Variants in DGKQ observed in about 807,000 individuals in gnomAD.
DGKQ encodes the protein DAG kinase theta.
In DGKQ, 97 loss-of-function variants were observed where a neutral mutation model predicts 104.2. The ratio of observed to expected loss-of-function variants is 0.93; its 90% CI spans 0.79 to 1.10. The LOEUF (loss-of-function observed/expected upper bound fraction) is 1.10, where lower values mean the gene tolerates loss of function less well. DGKQ is among the 50% of genes least tolerant of loss of function. The probability of loss-of-function intolerance (pLI) is 0.00; values close to 1 mark genes in which losing one functional copy is unlikely to be tolerated. For missense variants in DGKQ, 1,465 were observed against 1,352.1 expected (o/e 1.08, Z -1.31); for synonymous variants, 736 against 595.2 (o/e 1.24, Z -3.44).
In DGKQ at chr4:961,680, G is replaced by A. The variant is rs201807167; in HGVS notation, c.2462+8C>T. 45 of 1,612,334 alleles carry A rather than the reference G, an allele frequency of 2.8e-5. No homozygotes were observed. The highest frequency in any genetic ancestry group is 1.9e-4 in the African/African-American group (14 of 75,036). The stretch of plus-strand genomic sequence containing the variant: ...GCAGAGCCTCTGGGGAGCCCCGCCC[G>A]CGAGCACCTGGGGATGTTGATGAAG... On this transcript the variant is annotated splice_region_variant and intron_variant, in intron 20 of 22. Coordinates refer to ENST00000273814, the MANE Select transcript of DGKQ (RefSeq NM_001347.4).
At chr4:968,678 C>A in intron 3 of DGKQ, 114 bp from the exon 4 acceptor site, 1 of 1,356,392 alleles carries the variant, frequency 7.4e-7, no homozygotes. Flanking sequence ...TTTAAGTGTC[C>A]TGTGGCCTGC....
At chr4:966,719 G>A (rs1294744451) in intron 11 of DGKQ, 29 bp downstream of exon 11, 14 of 1,595,254 alleles carry the variant, frequency 8.8e-6, no homozygotes, top group Middle Eastern at 1.7e-4. Context: ...TGCAGGGACC[G>A]CCACGCCCAG....
At position 962,445 on chromosome 4, in the gene DGKQ, T is replaced by C. The variant is rs1440742891; in HGVS notation, c.2204A>G (p.Glu735Gly). ...CGGGCTGCCCTGTACCTTGGGGGGC[T>C]CTGCGTCTGCCGTGTCGTTCTCTGC... ...GSAENDTADA[E>G]PPKIVQMSNY... is the part of the protein sequence containing the mutation. The change falls in exon 18 of 23, where the codon GAG becomes GGG. Residue 735 changes from glutamate to glycine, a missense_variant. Transcript: ENST00000273814. 6.3e-7 allele frequency: 1 copy of C among 1,578,352 alleles called. No homozygotes were observed. Among genetic ancestry groups the C allele is most frequent in the South Asian group, 1.1e-5 (1 of 87,636 alleles).
At chr4:965,785 G>A (rs1278747131) in intron 13 of DGKQ, 143 bp downstream of exon 13, 2 of 1,006,740 alleles carry the variant, frequency 2.0e-6, no homozygotes, top group Non-Finnish European at 2.8e-6. Flanking sequence ...GAGCCTCTTG[G>A]AGGAAGAGAC....
chr4:961,860 C>T, intron 19 of DGKQ, 26 bp from the exon 20 acceptor site: 1 of 1,592,106 alleles, frequency 6.3e-7, no homozygotes, highest in South Asian at 1.1e-5. Context: ...GGTCACCCAT[C>T]ACCAGGGGAA....
rs776779248 is a variant in DGKQ, at chr4:967,552, C to T, written c.984G>A (p.Val328=). 2.5e-6 allele frequency: 4 copies of T among 1,612,274 alleles called. No homozygotes were observed. The highest frequency in any genetic ancestry group is 3.4e-6 in the Non-Finnish European group (4 of 1,179,644). ...TVSRLAGAEE[V]LEAALRAHHI... is the part of the protein sequence containing the mutation. ...CCTCCCCCAGCCTCCCCCTTACCAG[C>T]ACCTCCTCGGCACCGGCCAGGCGGG... Residue 328 remains valine, a synonymous_variant, in exon 8 of 23, where the codon GTG becomes GTA. Coordinates refer to ENST00000273814, the MANE Select transcript of DGKQ (RefSeq NM_001347.4).
At position 967,367 on chromosome 4, in the gene DGKQ, G is replaced by C. The variant is rs1001370585; in HGVS notation, c.988-6C>G. On this transcript the variant is annotated splice_polypyrimidine_tract_variant and splice_region_variant and intron_variant, in intron 8 of 22. Transcript: ENST00000273814. Reference sequence around the variant, plus strand: ...TGGGCCCGCAGTGCGGCCTCCTGCAGGGCACCAGGTTAGAGGGGCCAAGTT... The same window carrying C: ...TGGGCCCGCAGTGCGGCCTCCTGCACGGCACCAGGTTAGAGGGGCCAAGTT... 4.4e-5 allele frequency: 67 copies of C among 1,530,674 alleles called. No homozygotes were observed. Among genetic ancestry groups the C allele is most frequent in the Non-Finnish European group, 5.4e-5 (62 of 1,143,304 alleles). 94.8% of individuals were successfully genotyped at this position (1,530,674 alleles called of 1,614,324 possible).
Position 971,439 on chromosome 4 carries a change from G to A in DGKQ, c.272-367C>T, listed in dbSNP as rs1158944131. Among the ~76,000 whole-genome samples the A allele has an allele frequency of 6.6e-6, 1 of 152,210 alleles. No individual in the cohort carries two copies. Among genetic ancestry groups the A allele is most frequent in the East Asian group, 1.9e-4 (1 of 5,196 alleles). On this transcript the variant is annotated intron_variant, in intron 1 of 22. Transcript: ENST00000273814. This position sits in a 1 kb window ranked among gnomAD's most constrained non-coding sequence, Gnocchi z 4.0. ...GGTGGCAGGGGCTTCTCGGCCTTCG[G>A]CAGATTGGCTTTACCAAGGACATCT... is the stretch of plus-strand genomic sequence containing the variant.
At chr4:967,498 G>A in intron 8 of DGKQ, 51 bp downstream of exon 8, 1 of 1,573,432 alleles carries the variant, frequency 6.4e-7, no homozygotes, top group Non-Finnish European at 8.7e-7. Flanking sequence ...CCAGGTGCGG[G>A]GACATGCGGT....
chr4:966,960 G>C lies in DGKQ; in HGVS notation c.1311+4C>G, dbSNP rs926358757. 1.3e-6 allele frequency: 2 copies of C among 1,559,358 alleles called. No homozygotes were observed. Among genetic ancestry groups the C allele is most frequent in the Non-Finnish European group, 1.7e-6 (2 of 1,154,348 alleles). On this transcript the variant is annotated splice_donor_region_variant and intron_variant, in intron 10 of 22. Transcript: ENST00000273814. The stretch of plus-strand genomic sequence containing the variant: ...GGCATGGGGAGCAGGCACAGGGTAC[G>C]CACCTGGCGGCCGAGCAGCGGCAGG...
Position 960,242 on chromosome 4 carries a change from G to A in DGKQ, c.*378C>T. ...CACAAAGTGAGATCAGACCCACCTG[G>A]ACGGCCTGCATCCAGCACTGTCCAG... On this transcript the variant is annotated 3_prime_UTR_variant, in exon 23 of 23. Transcript: ENST00000273814. 1 of 240,236 alleles carries A rather than the reference G, an allele frequency of 4.2e-6. No homozygotes were observed. Among genetic ancestry groups the A allele is most frequent in the Non-Finnish European group, 8.2e-6 (1 of 121,378 alleles). 14.9% of individuals were successfully genotyped at this position (240,236 alleles called of 1,614,324 possible).
chr4:966,934 CGGCAT>C, intron 10 of DGKQ, 25 bp downstream of exon 10: 1 of 1,551,096 alleles, frequency 6.4e-7, no homozygotes. Context: ...CGAGTCTGGC[CGGCAT>C]GGGGAGCAGG....
At chr4:965,384 G>C in intron 14 of DGKQ, 93 bp from the exon 15 acceptor site, 1 of 1,548,814 alleles carries the variant, frequency 6.5e-7, no homozygotes, top group Non-Finnish European at 8.8e-7. Flanking sequence ...CCCAGCCCAG[G>C]GCTGCCCAAG....
Position 966,004 on chromosome 4 carries a change from C to G in DGKQ, c.1503G>C (p.Leu501=). 1 of 1,605,994 alleles carries G rather than the reference C, an allele frequency of 6.2e-7. No homozygotes were observed. Among genetic ancestry groups the G allele is most frequent in the Non-Finnish European group, 8.5e-7 (1 of 1,177,136 alleles). ...GGCCGGGAGGCAGGCCGCCAACAAA[C>G]AGGGAGACGTGCGGGGCTACATCCC... The part of the protein sequence containing the change: ...ESRDVAPHVS[L]FVGGLPPGLS... The change falls in exon 13 of 23, where the codon CTG becomes CTC. Residue 501 remains leucine (L), a synonymous_variant. Coordinates refer to ENST00000273814, the MANE Select transcript of DGKQ (RefSeq NM_001347.4).
intron 12 of DGKQ, 107 bp from the exon 13 acceptor site, chr4:966,185 C>G: frequency 8.3e-7 from 1 of 1,205,408 alleles, no homozygotes; most frequent in East Asian, 2.6e-5. Flanking sequence ...CAGGAACACT[C>G]CCAGGAATTA....
At position 961,160 on chromosome 4, in the gene DGKQ, G is replaced by A. The variant is rs764973150; in HGVS notation, c.2616C>T (p.Ala872=). ...QGGLRSGIRI[A]QGSYFRVTLL... is the part of the protein sequence containing the mutation. ...GCGTGACTCGGAAGTAGGAACCCTG[G>A]GCAATCCGGATTCCGGAGCGCAGCC... The change falls in exon 22 of 23, where the codon GCC becomes GCT. Residue 872 remains alanine (A), a synonymous_variant. Transcript: ENST00000273814. 6.3e-7 allele frequency: 1 copy of A among 1,599,076 alleles called. No individual in the cohort carries two copies. Among genetic ancestry groups the A allele is most frequent in the Non-Finnish European group, 8.5e-7 (1 of 1,173,382 alleles).
At position 968,404 on chromosome 4, in the gene DGKQ, TGTCCTGCAGAGCGGGGGCA is replaced by T; in HGVS notation, c.538-16_540del. 1 of 1,576,894 alleles carries T rather than the reference TGTCCTGCAGAGCGGGGGCA, an allele frequency of 6.3e-7. No homozygotes were observed. Among genetic ancestry groups the T allele is most frequent in the Non-Finnish European group, 8.6e-7 (1 of 1,163,342 alleles). On this transcript the variant is annotated splice_acceptor_variant and splice_polypyrimidine_tract_variant and coding_sequence_variant and intron_variant, in exon 5 of 23. Transcript: ENST00000273814. LOFTEE classifies it high-confidence loss of function. ...CCCTCCCGCCAGTGGTGGTGATGGGTGTCCTGCAGAGCGGGGGCAGTCAGCAGCTGGGCCCGCCCCACCC... is the reference window on the plus strand; with the variant it reads ...CCCTCCCGCCAGTGGTGGTGATGGGTGTCAGCAGCTGGGCCCGCCCCACCC...
Position 961,208 on chromosome 4 carries a change from C to G in DGKQ, c.2575-7G>C. On this transcript the variant is annotated splice_region_variant and splice_polypyrimidine_tract_variant and intron_variant, in intron 21 of 22. Transcript: ENST00000273814. ...GCCCACCCTGGACCTGGCCCTGGGG[C>G]GGGAGAGGCCAGCCGGGCTCAGCGG... is the stretch of plus-strand genomic sequence containing the variant. The G allele has an allele frequency of 6.5e-7, 1 of 1,542,296 alleles. No individual in the cohort carries two copies. Among genetic ancestry groups the G allele is most frequent in the South Asian group, 1.2e-5 (1 of 80,472 alleles).
In DGKQ at chr4:971,511, A is replaced by AC. The variant is rs1208555798; in HGVS notation, c.272-440dup. ...ACGCATACCCCTAATTGTCCCTGCTACGTGCTGTGCACCGTGCCTGAGACC... is the reference window on the plus strand; with the variant it reads ...ACGCATACCCCTAATTGTCCCTGCTACCGTGCTGTGCACCGTGCCTGAGACC... On this transcript the variant is annotated intron_variant, in intron 1 of 22. Transcript: ENST00000273814. This position sits in a 1 kb window ranked among gnomAD's most constrained non-coding sequence, Gnocchi z 4.0. Among the ~76,000 whole-genome samples the AC allele has an allele frequency of 6.6e-6, 1 of 152,168 alleles. No homozygotes were observed. Among genetic ancestry groups the AC allele is most frequent in the Non-Finnish European group, 1.5e-5 (1 of 68,022 alleles).
Sources: allele counts gnomAD v4.1 joint callset (sites outside exome capture counted in the v4.1 genomes callset), GRCh38; gene constraint gnomAD v4.1.1; non-coding constraint Gnocchi (gnomAD v3.1); transcripts MANE v1.5; gene names NCBI Gene and HGNC (gene_info 2026-07-23, HGNC 2026-07-21).